Variants in DNHD1 observed in about 807,000 individuals in gnomAD.
DNHD1 encodes dynein heavy chain domain 1.
In DNHD1, 383 loss-of-function variants were observed where a neutral mutation model predicts 458.1. The observed-to-expected ratio is 0.84, with a 90% confidence interval of 0.77 to 0.91. The LOEUF (loss-of-function observed/expected upper bound fraction) is 0.91. DNHD1 is among the 40% of genes least tolerant of loss of function. The probability of loss-of-function intolerance (pLI) is 0.00; values close to 1 mark genes in which losing one functional copy is unlikely to be tolerated. For missense variants in DNHD1, 5,336 were observed against 5,866.1 expected, an observed-to-expected ratio of 0.91 and a Z score of 2.95; for synonymous variants, 2,203 against 2,376.9, an observed-to-expected ratio of 0.93 and a Z score of 2.13.
At chr11:6,553,559 A>G (rs1364379226) in intron 24 of DNHD1, among the ~76,000 whole-genome samples, 1 of 152,212 alleles carries the variant, frequency 6.6e-6, no homozygotes, top group Non-Finnish European at 1.5e-5. Flanking sequence ...CTGTATTGGC[A>G]TGTAATATGA....
At chr11:6,524,932 C>T (rs1162630902) in intron 10 of DNHD1, among the ~76,000 whole-genome samples, 1 of 152,200 alleles carries the variant, frequency 6.6e-6, no homozygotes, top group Admixed American at 6.5e-5. Flanking sequence ...TGTTCTGTGG[C>T]TCAAAAGTGG....
rs2134455929 is a variant in DNHD1, at chr11:6,564,499, A to G, written c.10451A>G (p.Gln3484Arg). 1 of 1,551,700 alleles carries G rather than the reference A, an allele frequency of 6.4e-7. No homozygotes were observed. The highest frequency in any genetic ancestry group is 1.4e-5 in the African/African-American group (1 of 73,180). ...QEALGPDDVAQALKRKQKSVS... is the reference protein window; with the variant it reads ...QEALGPDDVARALKRKQKSVS... ...GCTCTGGGCCCAGATGATGTGGCAC[A>G]GGCACTGAAGCGGAAGCAAAAATCT... The change falls in exon 32 of 43, where the codon CAG (glutamine) becomes CGG (arginine). Residue 3484 changes from glutamine (Q) to arginine (R), a missense_variant. Around this residue, in one of 4 missense-constraint regions of DNHD1, gnomAD observed 3,932 missense variants for 4,365.6 expected, o/e 0.90. Transcript: ENST00000254579.
In DNHD1 at chr11:6,567,300, G is replaced by C. The variant is rs1029518364; in HGVS notation, c.11791G>C (p.Val3931Leu). The C allele has an allele frequency of 1.1e-5, 17 of 1,614,070 alleles. No homozygotes were observed. Among genetic ancestry groups the C allele is most frequent in the Admixed American group, 1.7e-5 (1 of 60,032 alleles). Residue 3931 changes from valine (V) to leucine (L), a missense_variant, in exon 36 of 43, where the codon GTA becomes CTA. Val to Leu is a conservative substitution (Grantham distance 32). Around this residue, in one of 4 missense-constraint regions of DNHD1, gnomAD observed 695 missense variants for 804.2 expected, o/e 0.86. Coordinates refer to ENST00000254579, the MANE Select transcript of DNHD1 (RefSeq NM_144666.3). ...STVTALGLTQ[V>L]PLVGALGALA... ...CGTGACTGCACTGGGCCTTACCCAA[G>C]TACCCTTGGTGGGTGCATTGGGCGC...
rs1354656822 is a variant in DNHD1 at position 6,547,465 on chromosome 11, G to A, written c.6526G>A (p.Ala2176Thr). 1.1e-5 allele frequency: 17 copies of A among 1,551,098 alleles called. No individual in the cohort carries two copies. Among genetic ancestry groups the A allele is most frequent in the Middle Eastern group, 1.7e-4 (1 of 5,988 alleles). The part of the protein sequence containing the change: ...YEYRLQHRTV[A>T]ELNHMAEVLV... ...GTACCGCCTGCAGCACCGGACAGTC[G>A]CTGAGCTCAACCACATGGCTGAGGT... Residue 2176 changes from alanine (A) to threonine (T), a missense_variant, in exon 21 of 43, where the codon GCT becomes ACT. Ala to Thr is a moderately conservative substitution (Grantham distance 58). This residue lies in a region of DNHD1 where 3,932 missense variants were observed against 4,365.6 expected (regional missense o/e 0.90). Transcript: ENST00000254579.
At chr11:6,554,931 C>T (rs778454824) in intron 24 of DNHD1, among the ~76,000 whole-genome samples, 4 of 152,144 alleles carry the variant, frequency 2.6e-5, no homozygotes, top group Non-Finnish European at 5.9e-5. Flanking sequence ...AACCGCATAT[C>T]CTCAAACTTA....
At chr11:6,561,980 A>G (rs1853597817) in intron 28 of DNHD1, among the ~76,000 whole-genome samples, 1 of 152,224 alleles carries the variant, frequency 6.6e-6, no homozygotes, top group Non-Finnish European at 1.5e-5. Context: ...GTTAATGACA[A>G]TGATTCAGTT....
rs930255799 is a variant in DNHD1 at position 6,564,531 on chromosome 11, A to G, written c.10483A>G (p.Ile3495Val). The G allele has an allele frequency of 7.7e-5, 120 of 1,551,566 alleles. No homozygotes were observed. The highest frequency in any genetic ancestry group is 1.7e-4 in the Middle Eastern group (1 of 6,014). The change falls in exon 32 of 43, where the codon ATA becomes GTA. Residue 3495 changes from isoleucine to valine, a missense_variant. Physicochemically the swap from Ile to Val is conservative, Grantham distance 29. Around this residue, in one of 4 missense-constraint regions of DNHD1, gnomAD observed 3,932 missense variants for 4,365.6 expected, o/e 0.90. Transcript: ENST00000254579. ...GAAGCGGAAGCAAAAATCTGTCAGC[A>G]TACCACCAAAGAACCCCCTGCTGGC... ...ALKRKQKSVSIPPKNPLLATH... is the reference protein window; with the variant it reads ...ALKRKQKSVSVPPKNPLLATH...
Position 6,571,450 on chromosome 11 carries a change from G to T in DNHD1, c.13911+27G>T, listed in dbSNP as rs553075542. 1 of 1,545,284 alleles carries T rather than the reference G, an allele frequency of 6.5e-7. No individual in the cohort carries two copies. On this transcript the variant is annotated intron_variant, in intron 42 of 42. Transcript: ENST00000254579. The surrounding 1 kb of genome is among the most constrained non-coding windows in gnomAD (Gnocchi z 5.0). ...TATCTTCGCGCCGCCCCTCGTTCGC[G>T]GTTCCAGTCCCCTCGAAGTCTCTAA...
rs966965188 is a variant in DNHD1 at position 6,546,564 on chromosome 11, A to G, written c.5625A>G (p.Pro1875=). Residue 1875 remains proline (P), a synonymous_variant, in exon 21 of 43, where the codon CCA becomes CCG. Coordinates refer to ENST00000254579, the MANE Select transcript of DNHD1 (RefSeq NM_144666.3). ...LVSGPLPCRL[P]LLKQILEDTI... ...CTGGGCCCCTGCCCTGCCGCCTGCC[A>G]CTGCTCAAGCAGATACTGGAAGACA... 6.4e-7 allele frequency: 1 copy of G among 1,551,754 alleles called. No homozygotes were observed. Among genetic ancestry groups the G allele is most frequent in the East Asian group, 2.4e-5 (1 of 40,906 alleles).
chr11:6,502,046 G>GT lies in DNHD1; in HGVS notation c.747-699dup, dbSNP rs1271676907. ...TAAGTCTAAGTTAAATCATTCCAGA[G>GT]TTTTTTTTGTGTGTGTGCTCTCAGG... On this transcript the variant is annotated intron_variant, in intron 3 of 42. Coordinates refer to ENST00000254579, the MANE Select transcript of DNHD1 (RefSeq NM_144666.3). 1.1e-4 allele frequency among the ~76,000 whole-genome samples: 16 copies of GT among 152,066 alleles called. 1 individual carries two copies. In the South Asian group the frequency reaches 2.7e-3, roughly 26 times the overall value.
intron 14 of DNHD1, among the ~76,000 whole-genome samples, chr11:6,536,646 A>C (rs1356789068): frequency 6.6e-6 from 1 of 152,184 alleles, no homozygotes; most frequent in African/African-American, 2.4e-5. Context: ...ACTTTTTCCT[A>C]CAACTTTGAA....
Position 6,545,756 on chromosome 11 carries a change from A to C in DNHD1, c.4817A>C (p.Lys1606Thr), listed in dbSNP as rs770349878. 7 of 1,551,750 alleles carry C rather than the reference A, an allele frequency of 4.5e-6. No individual in the cohort carries two copies. Among genetic ancestry groups the C allele is most frequent in the Non-Finnish European group, 6.1e-6 (7 of 1,147,014 alleles). Residue 1606 changes from lysine to threonine, a missense_variant, in exon 21 of 43, where the codon AAG becomes ACG. Coordinates refer to ENST00000254579, the MANE Select transcript of DNHD1 (RefSeq NM_144666.3). The surrounding 1 kb of genome is among the most constrained non-coding windows in gnomAD (Gnocchi z 4.9). The stretch of plus-strand genomic sequence containing the variant: ...GACTTTCACTGGGTCCGCCAACTCA[A>C]GTATCACTTGGGTTCACCTCACATA... The part of the protein sequence containing the change: ...LTDFHWVRQL[K>T]YHLGSPHIIP...
chr11:6,565,031 C>T (rs1359095048), intron 32 of DNHD1, among the ~76,000 whole-genome samples: 2 of 152,178 alleles, frequency 1.3e-5, no homozygotes, highest in East Asian at 3.9e-4. Context: ...TTCCACTTCC[C>T]TGGTCTACTC....
At chr11:6,526,755 CTGTT>C (rs1460076619) in intron 10 of DNHD1, among the ~76,000 whole-genome samples, 4 of 152,318 alleles carry the variant, frequency 2.6e-5, no homozygotes, top group Admixed American at 2.0e-4. Context: ...GGAGCCCTGA[CTGTT>C]TGGTTTCAAG....
chr11:6,528,478 C>T (rs1220237492), intron 10 of DNHD1, 44 bp from the exon 11 acceptor site: 2 of 1,518,156 alleles, frequency 1.3e-6, no homozygotes, highest in Admixed American at 4.0e-5. Context: ...TGTTTGTGGG[C>T]TCTGGAGGGT....
chr11:6,512,292 C>A (rs1852356343), intron 7 of DNHD1, among the ~76,000 whole-genome samples: 1 of 137,300 alleles, frequency 7.3e-6, no homozygotes, highest in African/African-American at 2.8e-5. Context: ...GGGATCTCGG[C>A]TCACTGCAAG....
chr11:6,545,582 A>C lies in DNHD1; in HGVS notation c.4643A>C (p.Asn1548Thr). The stretch of plus-strand genomic sequence containing the variant: ...ATGCGCAAGCTTGAGGTACTGGTGA[A>C]TTTTATGCGGGCCCAGAGGGCTTCC... The part of the protein sequence containing the change: ...MHMRKLEVLV[N>T]FMRAQRASQG... The change falls in exon 21 of 43, where the codon AAT becomes ACT. Residue 1548 changes from asparagine to threonine, a missense_variant. This residue lies in a region of DNHD1 where 3,932 missense variants were observed against 4,365.6 expected (regional missense o/e 0.90). Coordinates refer to ENST00000254579, the MANE Select transcript of DNHD1 (RefSeq NM_144666.3). This position sits in a 1 kb window ranked among gnomAD's most constrained non-coding sequence, Gnocchi z 4.9. 6.4e-7 allele frequency: 1 copy of C among 1,551,948 alleles called. No individual in the cohort carries two copies. The highest frequency in any genetic ancestry group is 8.7e-7 in the Non-Finnish European group (1 of 1,147,044).
chr11:6,548,651 C>G lies in DNHD1; in HGVS notation c.7105C>G (p.Arg2369Gly). ...TCCCACTTCTGTCTTGCAGACTGAA[C>G]GGCTCTTGTATGTGGTGGACCTGCT... ...GTFHPSIQTE[R>G]LLYVVDLLLS... is the part of the protein sequence containing the mutation. Residue 2369 changes from arginine (R) to glycine (G), a missense_variant, in exon 24 of 43, where the codon CGG becomes GGG. By Grantham distance (125) the Arg-to-Gly change is moderately radical (BLOSUM62 -2). Transcript: ENST00000254579. This position sits in a 1 kb window ranked among gnomAD's most constrained non-coding sequence, Gnocchi z 4.4. 1 of 1,551,444 alleles carries G rather than the reference C, an allele frequency of 6.4e-7. No individual in the cohort carries two copies. The highest frequency in any genetic ancestry group is 1.2e-5 in the South Asian group (1 of 84,056).
Position 6,571,128 on chromosome 11 carries a change from C to T in DNHD1, c.13616C>T (p.Pro4539Leu). The T allele has an allele frequency of 1.2e-6, 2 of 1,600,688 alleles. No individual in the cohort carries two copies. Among genetic ancestry groups the T allele is most frequent in the South Asian group, 1.1e-5 (1 of 90,620 alleles). The change falls in exon 42 of 43, where the codon CCT (proline) becomes CTT (leucine). Residue 4539 changes from proline to leucine, a missense_variant. Transcript: ENST00000254579. This position sits in a 1 kb window ranked among gnomAD's most constrained non-coding sequence, Gnocchi z 5.0. ...GGCCGCCTACCCTTGCCTTGGCGACCTCATGCGCCGGCCGGTCCGCAGCCG... is the reference window on the plus strand; with the variant it reads ...GGCCGCCTACCCTTGCCTTGGCGACTTCATGCGCCGGCCGGTCCGCAGCCG... ...WTGRLPLPWR[P>L]HAPAGPQPPW...
Sources: gnomAD v4.1 joint callset for allele counts (sites outside exome capture counted in the v4.1 genomes callset) on GRCh38, gnomAD v4.1.1 for gene constraint, gnomAD v4.1.1 regional missense constraint, Gnocchi (gnomAD v3.1) non-coding constraint, MANE v1.5 for transcripts, NCBI Gene and HGNC (gene_info 2026-07-23, HGNC 2026-07-21) for gene names.